The following ARHGAP23 variants were observed in gnomAD, a reference collection of about 807,000 sequenced individuals.
ARHGAP23 encodes rho GTPase-activating protein 23.
In ARHGAP23, 34 loss-of-function variants were observed where a neutral mutation model predicts 136.3. The observed-to-expected ratio is 0.25, with a 90% CI of 0.19 to 0.33. ARHGAP23 has a LOEUF of 0.33. ARHGAP23 is among the 10% of genes least tolerant of loss of function. The pLI is 1.00. For synonymous variants in ARHGAP23, 832 were observed against 920.5 expected, an observed-to-expected ratio of 0.90 and a Z score of 1.74; for missense variants, 1,808 against 2,139.0, an observed-to-expected ratio of 0.85 and a Z score of 3.05.
chr17:38,441,338 A>C (rs1457856407), intron 1 of ARHGAP23, among the ~76,000 whole-genome samples: 1 of 152,176 alleles, frequency 6.6e-6, no homozygotes. Flanking sequence ...CGTACTTCAC[A>C]TACTTGGCGT....
intron 23 of ARHGAP23, among the ~76,000 whole-genome samples, chr17:38,503,617 C>G (rs1425230506): frequency 6.6e-6 from 1 of 152,158 alleles, no homozygotes; most frequent in Non-Finnish European, 1.5e-5. Context: ...TCAACACTGA[C>G]CTCCCCAGAG....
At chr17:38,486,164 C>T (rs1383435351) in intron 17 of ARHGAP23, 24 bp downstream of exon 17, 9 of 1,543,144 alleles carry the variant, frequency 5.8e-6, no homozygotes, top group Middle Eastern at 1.7e-4. Context: ...GGAAGTGGGG[C>T]GGGGAGGGGA....
intron 1 of ARHGAP23, among the ~76,000 whole-genome samples, chr17:38,434,343 C>G (rs934421905): frequency 6.6e-6 from 1 of 152,218 alleles, no homozygotes; most frequent in Admixed American, 6.5e-5. Flanking sequence ...GGTCGGGGAA[C>G]AGTGGGGCCT....
intron 1 of ARHGAP23, among the ~76,000 whole-genome samples, chr17:38,439,301 C>T (rs1314705798): frequency 3.9e-5 from 6 of 152,142 alleles, no homozygotes; most frequent in African/African-American, 7.2e-5. Flanking sequence ...TCCTATTCCT[C>T]TTTCAATGCC....
At chr17:38,444,783 C>T (rs2144540751) in intron 1 of ARHGAP23, among the ~76,000 whole-genome samples, 1 of 151,956 alleles carries the variant, frequency 6.6e-6, no homozygotes, top group East Asian at 1.9e-4. Flanking sequence ...CTCCTGGGCA[C>T]CAAGGAGAGA....
chr17:38,504,986 T>C (rs2040600764), intron 23 of ARHGAP23, among the ~76,000 whole-genome samples: 1 of 32,768 alleles, frequency 3.1e-5, no homozygotes, highest in Non-Finnish European at 5.9e-5. Flanking sequence ...ATCTTTTTTT[T>C]TTTTTTTTTT....
chr17:38,499,885 T>A (rs1312682607), intron 22 of ARHGAP23, among the ~76,000 whole-genome samples: 1 of 152,028 alleles, frequency 6.6e-6, no homozygotes, highest in Non-Finnish European at 1.5e-5. Context: ...TCTGGTTCCT[T>A]CTCCACCCCA....
intron 1 of ARHGAP23, among the ~76,000 whole-genome samples, chr17:38,455,784 T>G (rs1166833956): frequency 6.6e-6 from 1 of 152,170 alleles, no homozygotes; most frequent in East Asian, 1.9e-4. Context: ...CCTGATCAGT[T>G]CCTTGCCAGG....
At chr17:38,469,994 G>A (rs1398660501) in intron 10 of ARHGAP23, 90 bp downstream of exon 10, 2 of 1,455,434 alleles carry the variant, frequency 1.4e-6, no homozygotes, top group South Asian at 1.2e-5. Context: ...TCGGCATGGG[G>A]GTTCCTGCTC....
In ARHGAP23 at chr17:38,467,174, G is replaced by A. The variant is rs1209392760; in HGVS notation, c.1491G>A (p.Thr497=). 8 of 1,549,894 alleles carry A rather than the reference G, an allele frequency of 5.2e-6. No individual in the cohort carries two copies. Among genetic ancestry groups the A allele is most frequent in the African/African-American group, 1.4e-5 (1 of 73,054 alleles). ...DEVVLRQKPP[T]GRKVQLTPAR... is the part of the protein sequence containing the mutation. ...TGGTCCTGAGGCAGAAGCCCCCGAC[G>A]GGCCGCAAGGTTCAGCTGACCCCCG... Residue 497 remains threonine, a synonymous_variant, in exon 7 of 24, where the codon ACG becomes ACA. Transcript: ENST00000622683.
intron 1 of ARHGAP23, chr17:38,451,909 T>TC (rs926772645): frequency 6.6e-6 from 1 of 152,098 alleles, no homozygotes; most frequent in African/African-American, 2.4e-5. Flanking sequence ...TTTCCCGCTC[T>TC]CCCCCTAAGC....
intron 22 of ARHGAP23, 143 bp downstream of exon 22, chr17:38,498,653 T>C (rs1597843476): frequency 9.8e-6 from 7 of 713,754 alleles, no homozygotes; most frequent in Non-Finnish European, 1.6e-5. Flanking sequence ...GATGGGGCTG[T>C]TGGGGGCCTT....
intron 1 of ARHGAP23, among the ~76,000 whole-genome samples, chr17:38,447,437 GAAAAAAAAAAA>G (rs71138625): frequency 1.2e-3 from 30 of 25,636 alleles, no homozygotes; most frequent in African/African-American, 2.1e-3. Context: ...GACTCCGTCT[GAAAAAAAAAAA>G]AAAAAAAAAA....
Position 38,498,425 on chromosome 17 carries a change from C to T in ARHGAP23, c.3330C>T (p.Gly1110=), listed in dbSNP as rs745556318. The change falls in exon 22 of 24, where the codon GGC becomes GGT. Residue 1110 remains glycine, a synonymous_variant. Transcript: ENST00000622683. ...EEDKGERTPV[G]DKEPQAVPNI... ...CCTCCTGTTCGCAGACCCCTGTGGG[C>T]GACAAGGAGCCTCAGGCAGTGCCCA... 91 of 1,547,722 alleles carry T rather than the reference C, an allele frequency of 5.9e-5. No individual in the cohort carries two copies. Among genetic ancestry groups the T allele is most frequent in the African/African-American group, 2.2e-4 (16 of 72,868 alleles).
chr17:38,473,944 G>A (rs1002938193), intron 11 of ARHGAP23, among the ~76,000 whole-genome samples: 2 of 151,876 alleles, frequency 1.3e-5, no homozygotes, highest in African/African-American at 4.8e-5. Context: ...TTTTTGAGAC[G>A]GAGTTTCACT....
chr17:38,482,783 A>G (rs2040076639), intron 16 of ARHGAP23, 105 bp downstream of exon 16: 1 of 1,287,396 alleles, frequency 7.8e-7, no homozygotes, highest in African/African-American at 1.5e-5. Context: ...ATTGTGCCCT[A>G]TGACATGCCC....
chr17:38,429,187 C>T (rs1007397073), intron 1 of ARHGAP23, among the ~76,000 whole-genome samples: 1 of 152,210 alleles, frequency 6.6e-6, no homozygotes, highest in Non-Finnish European at 1.5e-5. Context: ...CCTCTCCGAC[C>T]GGCTGTGGGT....
At chr17:38,428,418 C>T, upstream of ARHGAP23, 4 of 906,040 alleles carry the variant, frequency 4.4e-6, no homozygotes, top group South Asian at 3.4e-5. Context: ...GCCCCCGGCC[C>T]CGCCCCTCCC....
At chr17:38,509,657 T>C (rs2040709963) in intron 23 of ARHGAP23, among the ~76,000 whole-genome samples, 2 of 151,994 alleles carry the variant, frequency 1.3e-5, no homozygotes, top group Admixed American at 6.5e-5. Flanking sequence ...GTCTAAAGGA[T>C]TTAGCCAGGG....
Sources: gnomAD v4.1 joint callset for allele counts (sites outside exome capture counted in the v4.1 genomes callset) on GRCh38, gnomAD v4.1.1 for gene constraint, MANE v1.5 for transcripts, NCBI Gene and HGNC (gene_info 2026-07-23, HGNC 2026-07-21) for gene names.